Variants in ZFHX2 observed in about 807,000 individuals in gnomAD.
ZFHX2 encodes the protein zinc finger homeobox 2.
ZFHX2 carries 75 observed loss-of-function variants against 164.8 expected under a neutral mutation model. That is an observed-to-expected ratio of 0.46 (90% CI 0.38 to 0.55). ZFHX2 has a LOEUF of 0.55. ZFHX2 is among the 20% of genes least tolerant of loss of function. The pLI, the probability that ZFHX2 is intolerant of heterozygous loss-of-function variation, is 0.00. For synonymous variants in ZFHX2, 1,217 were observed against 1,351.4 expected (o/e 0.90, Z 2.18); for missense variants, 2,933 against 3,308.0 (o/e 0.89, Z 2.78).
Position 23,534,328 on chromosome 14 carries a change from A to C in ZFHX2, c.998T>G (p.Leu333Arg). Residue 333 changes from leucine to arginine, a missense_variant, in exon 2 of 10, where the codon CTT becomes CGT. Leu to Arg is a moderately radical substitution (Grantham distance 102). Transcript: ENST00000419474. The surrounding 1 kb of genome is among the most constrained non-coding windows in gnomAD (Gnocchi z 4.5). ...CATAACTTCTTCATCCAGGAGGATA[A>C]GGGCCTGGACTTCTGCCTCAGGGGG... The part of the protein sequence containing the change: ...DGPPEAEVQA[L>R]ILLDEEVMAL... 2 of 1,536,462 alleles carry C rather than the reference A, an allele frequency of 1.3e-6. No individual in the cohort carries two copies. Among genetic ancestry groups the C allele is most frequent in the South Asian group, 2.4e-5 (2 of 84,054 alleles).
At position 23,532,565 on chromosome 14, in the gene ZFHX2, A is replaced by C; in HGVS notation, c.2559+2T>G. The C allele has an allele frequency of 7.0e-7, 1 of 1,435,582 alleles. No individual in the cohort carries two copies. The highest frequency in any genetic ancestry group is 9.1e-7 in the Non-Finnish European group (1 of 1,097,956). 88.9% of individuals were successfully genotyped at this position (1,435,582 alleles called of 1,614,324 possible). A position where few individuals can be genotyped will look rare whatever the true frequency, so the allele number is the denominator to read the frequency against. ...CGATGGCCCTTCCTGACCCAGCCTCACCTTATAGATTTGGCTGTTTTCTTC... is the reference window on the plus strand; with the variant it reads ...CGATGGCCCTTCCTGACCCAGCCTCCCCTTATAGATTTGGCTGTTTTCTTC... On this transcript the variant is annotated splice_donor_variant, in intron 3 of 9. Transcript: ENST00000419474. LOFTEE classifies it high-confidence loss of function.
chr14:23,523,299 C>T lies in ZFHX2; in HGVS notation c.6643G>A (p.Gly2215Arg), dbSNP rs554535969. The T allele has an allele frequency of 5.2e-5, 75 of 1,446,226 alleles. No homozygotes were observed. The East Asian group carries it at 1.1e-3, about 22-fold the overall frequency. The allele number at this position is 1,446,226 out of a possible 1,614,324, so 89.6% of individuals were successfully genotyped here. A position where few individuals can be genotyped will look rare whatever the true frequency, so the allele number is the denominator to read the frequency against. ...PATTPASMPL[G>R]AAPTLPRLAP... is the part of the protein sequence containing the mutation. Reference sequence around the variant, plus strand: ...AGGCGAGGCAAGGTTGGGGCAGCCCCGAGGGGCATGGAGGCAGGTGTGGTG... The same window carrying T: ...AGGCGAGGCAAGGTTGGGGCAGCCCTGAGGGGCATGGAGGCAGGTGTGGTG... The change falls in exon 9 of 10, where the codon GGG (glycine) becomes AGG (arginine). Residue 2215 changes from glycine to arginine, a missense_variant. Physicochemically the swap from Gly to Arg is moderately radical, Grantham distance 125. Coordinates refer to ENST00000419474, the MANE Select transcript of ZFHX2 (RefSeq NM_033400.3). This position sits in a 1 kb window ranked among gnomAD's most constrained non-coding sequence, Gnocchi z 4.1.
Position 23,530,207 on chromosome 14 carries a change from G to A in ZFHX2, c.2801-13C>T, listed in dbSNP as rs922644698. On this transcript the variant is annotated splice_polypyrimidine_tract_variant and intron_variant, in intron 4 of 9. Coordinates refer to ENST00000419474, the MANE Select transcript of ZFHX2 (RefSeq NM_033400.3). ...ACAGGAGCCTTCCCTGTGTAGGATG[G>A]GGGGAGAGTCAGCTTAAAGAGGTGT... 6.6e-7 allele frequency: 1 copy of A among 1,522,046 alleles called. No homozygotes were observed. The highest frequency in any genetic ancestry group is 8.8e-7 in the Non-Finnish European group (1 of 1,134,286). 94.3% of individuals were successfully genotyped at this position (1,522,046 alleles called of 1,614,324 possible).
chr14:23,547,886 C>T (rs1194579043), intron 1 of ZFHX2, among the ~76,000 whole-genome samples: 1 of 152,226 alleles, frequency 6.6e-6, no homozygotes, highest in Non-Finnish European at 1.5e-5. Flanking sequence ...AGCCACTCCT[C>T]AGATGACCAT....
Position 23,523,620 on chromosome 14 carries a change from C to T in ZFHX2, c.6322G>A (p.Val2108Ile), listed in dbSNP as rs1241190819. 1.5e-5 allele frequency: 24 copies of T among 1,557,746 alleles called. No homozygotes were observed. The highest frequency in any genetic ancestry group is 2.1e-5 in the Non-Finnish European group (24 of 1,157,860). ...LGEEIGLPKR[V>I]IQVWFQNARA... is the part of the protein sequence containing the mutation. ...GCATTCTGGAACCAGACCTGGATGACTCTCTTGGGCAGCCCAATCTCCTCT... is the reference window on the plus strand; with the variant it reads ...GCATTCTGGAACCAGACCTGGATGATTCTCTTGGGCAGCCCAATCTCCTCT... Residue 2108 changes from valine (V) to isoleucine (I), a missense_variant, in exon 9 of 10, where the codon GTC becomes ATC. Transcript: ENST00000419474. The surrounding 1 kb of genome is among the most constrained non-coding windows in gnomAD (Gnocchi z 4.1).
intron 1 of ZFHX2, among the ~76,000 whole-genome samples, chr14:23,548,116 C>T (rs1487245544): frequency 1.3e-5 from 2 of 152,186 alleles, no homozygotes; most frequent in African/African-American, 4.8e-5. Context: ...AAAGCCATTA[C>T]ACTTTCAACA....
chr14:23,549,736 C>T (rs1303819977), intron 1 of ZFHX2, among the ~76,000 whole-genome samples: 1 of 152,182 alleles, frequency 6.6e-6, no homozygotes, highest in African/African-American at 2.4e-5. Context: ...GACATAATGG[C>T]ACTGACTGAT....
At position 23,527,731 on chromosome 14, in the gene ZFHX2, T is replaced by A; in HGVS notation, c.3008A>T (p.His1003Leu). 6.5e-7 allele frequency: 1 copy of A among 1,536,134 alleles called. No individual in the cohort carries two copies. Among genetic ancestry groups the A allele is most frequent in the Non-Finnish European group, 8.7e-7 (1 of 1,146,904 alleles). ...SQVRAHTLSQ[H>L]AVQPKYRCPL... ...GCATCTGTACTTGGGCTGCACTGCA[T>A]GCTGGGAGAGTGTATGAGCCCTCAC... is the stretch of plus-strand genomic sequence containing the variant. Residue 1003 changes from histidine (H) to leucine (L), a missense_variant, in exon 7 of 10, where the codon CAT (histidine) becomes CTT (leucine). Coordinates refer to ENST00000419474, the MANE Select transcript of ZFHX2 (RefSeq NM_033400.3).
At position 23,551,652 on chromosome 14, in the gene ZFHX2, G is replaced by GCCTCCT. The variant is rs891960070; in HGVS notation, c.-365_-360dup. 2 of 153,946 alleles carry GCCTCCT rather than the reference G, an allele frequency of 1.3e-5. No homozygotes were observed. Among genetic ancestry groups the GCCTCCT allele is most frequent in the Admixed American group, 1.3e-4 (2 of 15,188 alleles). The allele number at this position is 153,946 out of a possible 1,614,324, so 9.5% of individuals were successfully genotyped here. ...CACCCTGGGCACTCGCTCGCTCCCTGCCTCCTCCTCCTCCTCCTCCTTCTC... is the reference window on the plus strand; with the variant it reads ...CACCCTGGGCACTCGCTCGCTCCCTGCCTCCTCCTCCTCCTCCTCCTCCTCCTTCTC... On this transcript the variant is annotated 5_prime_UTR_variant, in exon 1 of 10. Coordinates refer to ENST00000419474, the MANE Select transcript of ZFHX2 (RefSeq NM_033400.3). The surrounding 1 kb of genome is among the most constrained non-coding windows in gnomAD (Gnocchi z 5.3).
In ZFHX2 at chr14:23,533,943, G is replaced by A; in HGVS notation, c.1383C>T (p.His461=). The A allele has an allele frequency of 6.5e-7, 1 of 1,538,090 alleles. No homozygotes were observed. The highest frequency in any genetic ancestry group is 8.7e-7 in the Non-Finnish European group (1 of 1,147,090). ...CATCCAGGGTCTGCTGGTACTTGTAGTGCCAGTTGCACTTGGGACACTTGA... is the reference window on the plus strand; with the variant it reads ...CATCCAGGGTCTGCTGGTACTTGTAATGCCAGTTGCACTTGGGACACTTGA... ...KTLKCPKCNW[H]YKYQQTLDVH... The change falls in exon 2 of 10, where the codon CAC becomes CAT. Residue 461 remains histidine (H), a synonymous_variant. Coordinates refer to ENST00000419474, the MANE Select transcript of ZFHX2 (RefSeq NM_033400.3). The surrounding 1 kb of genome is among the most constrained non-coding windows in gnomAD (Gnocchi z 4.8).
chr14:23,544,871 T>G (rs150450508), intron 1 of ZFHX2, among the ~76,000 whole-genome samples: 1 of 152,130 alleles, frequency 6.6e-6, no homozygotes, highest in African/African-American at 2.4e-5. Context: ...TTCTCCCACC[T>G]TTTTTTTCTG....
In ZFHX2 at chr14:23,533,545, A is replaced by C; in HGVS notation, c.1781T>G (p.Met594Arg). The change falls in exon 2 of 10, where the codon ATG (methionine) becomes AGG (arginine). Residue 594 changes from methionine to arginine, a missense_variant. By Grantham distance (91) the Met-to-Arg change is moderately conservative. Coordinates refer to ENST00000419474, the MANE Select transcript of ZFHX2 (RefSeq NM_033400.3). The surrounding 1 kb of genome is among the most constrained non-coding windows in gnomAD (Gnocchi z 4.8). ...LRIHMTSEKH[M>R]QNVLMLHQGL... is the part of the protein sequence containing the mutation. ...CTGGTGCAGCATTAGGACATTCTGC[A>C]TGTGCTTCTCAGAGGTCATATGGAT... 6.5e-7 allele frequency: 1 copy of C among 1,536,256 alleles called. No homozygotes were observed. Among genetic ancestry groups the C allele is most frequent in the Non-Finnish European group, 8.7e-7 (1 of 1,146,928 alleles).
chr14:23,549,616 A>G (rs1881760157), intron 1 of ZFHX2, among the ~76,000 whole-genome samples: 1 of 152,208 alleles, frequency 6.6e-6, no homozygotes, highest in Non-Finnish European at 1.5e-5. Flanking sequence ...AAAAGTGAAG[A>G]AAAAGCAACT....
In ZFHX2 at chr14:23,527,539, T is replaced by C; in HGVS notation, c.3135+65A>G. On this transcript the variant is annotated intron_variant, in intron 7 of 9. Transcript: ENST00000419474. Reference sequence around the variant, plus strand: ...GCACCTGCCTGAATACCCCTGCCTCTTCCTCCCCTCCTGCACAGCCCTAAT... The same window carrying C: ...GCACCTGCCTGAATACCCCTGCCTCCTCCTCCCCTCCTGCACAGCCCTAAT... 5 of 1,523,520 alleles carry C rather than the reference T, an allele frequency of 3.3e-6. No homozygotes were observed. In the South Asian group the frequency reaches 3.6e-5, roughly 11 times the overall value. The allele number at this position is 1,523,520 out of a possible 1,614,324, so 94.4% of individuals were successfully genotyped here. A position where few individuals can be genotyped will look rare whatever the true frequency, so the allele number is the denominator to read the frequency against.
At chr14:23,528,219 A>T (rs1051683685) in intron 6 of ZFHX2, among the ~76,000 whole-genome samples, 1 of 152,142 alleles carries the variant, frequency 6.6e-6, no homozygotes, top group African/African-American at 2.4e-5. Context: ...TCTCACTCCT[A>T]ATTGAAGAGG....
In ZFHX2 at chr14:23,527,501, G is replaced by T. The variant is rs1301340845; in HGVS notation, c.3135+103C>A. On this transcript the variant is annotated intron_variant, in intron 7 of 9. Transcript: ENST00000419474. ...ACACGCACTTGCCTGAATGCCCCCT[G>T]CCCCCAACACATGCACCTGCCTGAA... 5.6e-6 allele frequency: 8 copies of T among 1,425,354 alleles called. No individual in the cohort carries two copies. In the African/African-American group the frequency reaches 1.1e-4, roughly 20 times the overall value. The allele number at this position is 1,425,354 out of a possible 1,614,324, so 88.3% of individuals were successfully genotyped here.
chr14:23,535,386 C>A lies in ZFHX2; in HGVS notation c.-49-12G>T. Reference sequence around the variant, plus strand: ...TGACAGCCAGTACCCTGTAGGGAGACAAGGAGAGAGCAGTGCTGTGAGGCT... The same window carrying A: ...TGACAGCCAGTACCCTGTAGGGAGAAAAGGAGAGAGCAGTGCTGTGAGGCT... On this transcript the variant is annotated splice_polypyrimidine_tract_variant and intron_variant, in intron 1 of 9. Coordinates refer to ENST00000419474, the MANE Select transcript of ZFHX2 (RefSeq NM_033400.3). The surrounding 1 kb of genome is among the most constrained non-coding windows in gnomAD (Gnocchi z 4.5). 1 of 1,431,544 alleles carries A rather than the reference C, an allele frequency of 7.0e-7. No individual in the cohort carries two copies. Among genetic ancestry groups the A allele is most frequent in the Admixed American group, 2.8e-5 (1 of 35,106 alleles). 88.7% of individuals were successfully genotyped at this position (1,431,544 alleles called of 1,614,324 possible). A position where few individuals can be genotyped will look rare whatever the true frequency, so the allele number is the denominator to read the frequency against.
rs1318360894 is a variant in ZFHX2, at chr14:23,533,829, C to G, written c.1497G>C (p.Glu499Asp). 2.9e-5 allele frequency: 44 copies of G among 1,542,232 alleles called. No homozygotes were observed. The highest frequency in any genetic ancestry group is 3.8e-5 in the Non-Finnish European group (44 of 1,150,010). ...AGGGTTTGTAGCCACAGTTGTAGCT[C>G]TCTCCACGAGCAAGGCGGGGGTGGG... is the stretch of plus-strand genomic sequence containing the variant. ...GGAHPRLARG[E>D]SYNCGYKPYR... Residue 499 changes from glutamate to aspartate, a missense_variant, in exon 2 of 10, where the codon GAG becomes GAC. Coordinates refer to ENST00000419474, the MANE Select transcript of ZFHX2 (RefSeq NM_033400.3). This position sits in a 1 kb window ranked among gnomAD's most constrained non-coding sequence, Gnocchi z 4.8.
Position 23,551,369 on chromosome 14 carries a change from T to G in ZFHX2, c.-76A>C, listed in dbSNP as rs1014469606. ...CCTCAGCTGGAAGCAGGGACGGGAG[T>G]CGAACCGCGGCCACCGAGCAGCGCG... On this transcript the variant is annotated 5_prime_UTR_variant, in exon 1 of 10. Coordinates refer to ENST00000419474, the MANE Select transcript of ZFHX2 (RefSeq NM_033400.3). This position sits in a 1 kb window ranked among gnomAD's most constrained non-coding sequence, Gnocchi z 5.3. 6.6e-6 allele frequency: 1 copy of G among 151,058 alleles called. No individual in the cohort carries two copies. Among genetic ancestry groups the G allele is most frequent in the African/African-American group, 2.5e-5 (1 of 40,794 alleles). 9.4% of individuals were successfully genotyped at this position (151,058 alleles called of 1,614,324 possible).
Sources: gnomAD v4.1 joint callset for allele counts (sites outside exome capture counted in the v4.1 genomes callset) on GRCh38, gnomAD v4.1.1 for gene constraint, Gnocchi (gnomAD v3.1) non-coding constraint, MANE v1.5 for transcripts, NCBI Gene and HGNC (gene_info 2026-07-23, HGNC 2026-07-21) for gene names.